Variants in LLGL1 observed in about 807,000 individuals in gnomAD.
LLGL1 encodes the protein LLGL scribble cell polarity complex component 1.
LLGL1 carries 58 observed loss-of-function variants against 110.6 expected under a neutral mutation model. That is an observed-to-expected ratio of 0.52 (90% confidence interval 0.42 to 0.65). The LOEUF is 0.65. Ranked by LOEUF, LLGL1 falls within the 30% of genes least tolerant of loss-of-function variation. The probability of loss-of-function intolerance (pLI) is 0.00; values close to 1 mark genes in which losing one functional copy is unlikely to be tolerated. For missense variants in LLGL1, 1,229 were observed against 1,462.1 expected, an observed-to-expected ratio of 0.84 and a Z score of 2.60; for synonymous variants, 674 against 607.2, an observed-to-expected ratio of 1.11 and a Z score of -1.62.
chr17:18,238,013 G>C (rs1186792438), intron 14 of LLGL1, 54 bp from the exon 15 acceptor site: 9 of 1,593,806 alleles, frequency 5.6e-6, no homozygotes, highest in Middle Eastern at 1.7e-4. Flanking sequence ...CAGGAGTGTG[G>C]TGGCTGCCCC....
Position 18,238,115 on chromosome 17 carries a change from C to T in LLGL1, c.1953C>T (p.Ser651=). ...NDSLAMEGPL[S]RVKSLKKSLR... is the part of the protein sequence containing the mutation. ...CCCTGGCCATGGAGGGTCCGCTCTCCCGGGTGAAGTCTCTCAAGAAGTCAC... is the reference window on the plus strand; with the variant it reads ...CCCTGGCCATGGAGGGTCCGCTCTCTCGGGTGAAGTCTCTCAAGAAGTCAC... The change falls in exon 15 of 23, where the codon TCC becomes TCT. Residue 651 remains serine (S), a synonymous_variant. Coordinates refer to ENST00000316843, the MANE Select transcript of LLGL1 (RefSeq NM_004140.4). 2 of 1,613,876 alleles carry T rather than the reference C, an allele frequency of 1.2e-6. No individual in the cohort carries two copies. The highest frequency in any genetic ancestry group is 1.7e-5 in the Admixed American group (1 of 60,018).
At chr17:18,231,933 C>T (rs1422152129) in intron 2 of LLGL1, among the ~76,000 whole-genome samples, 1 of 152,164 alleles carries the variant, frequency 6.6e-6, no homozygotes, top group Admixed American at 6.5e-5. Context: ...GCTGGGATTA[C>T]AGGAGCGAGC....
rs188574443 is a variant in LLGL1 at position 18,233,162 on chromosome 17, A to G, written c.392+360A>G. Among the ~76,000 whole-genome samples the G allele has an allele frequency of 7.4e-4, 113 of 152,314 alleles. 2 individuals are homozygous for G. Among genetic ancestry groups the G allele is most frequent in the Non-Finnish European group, 8.1e-4 (55 of 68,020 alleles). Reference sequence around the variant, plus strand: ...GGCAGGGCCTAAGCCAGTTAGTAACAGGAAGGGTCCCCTGGCCTCTTCAGT... The same window carrying G: ...GGCAGGGCCTAAGCCAGTTAGTAACGGGAAGGGTCCCCTGGCCTCTTCAGT... On this transcript the variant is annotated intron_variant, in intron 4 of 22. Coordinates refer to ENST00000316843, the MANE Select transcript of LLGL1 (RefSeq NM_004140.4).
intron 1 of LLGL1, among the ~76,000 whole-genome samples, chr17:18,229,220 G>A (rs962423549): frequency 2.6e-5 from 4 of 152,060 alleles, no homozygotes; most frequent in African/African-American, 2.4e-5. Context: ...AGGGGCAGGG[G>A]AGCGGGTGGG....
intron 1 of LLGL1, among the ~76,000 whole-genome samples, chr17:18,228,533 TC>T (rs534362348): frequency 2.3e-4 from 35 of 150,902 alleles, no homozygotes; most frequent in Middle Eastern, 7.0e-3. Context: ...GGAGGTGACT[TC>T]TGTGTGTTTT....
intron 8 of LLGL1, 55 bp from the exon 9 acceptor site, chr17:18,234,784 G>T (rs2047653244): frequency 4.3e-6 from 7 of 1,613,846 alleles, no homozygotes; most frequent in Non-Finnish European, 5.9e-6. Context: ...AGGTTGTGCA[G>T]TATGTGCTCT....
intron 1 of LLGL1, among the ~76,000 whole-genome samples, chr17:18,226,466 G>A (rs1183113260): frequency 6.6e-6 from 1 of 152,180 alleles, no homozygotes; most frequent in Non-Finnish European, 1.5e-5. Flanking sequence ...CCTTCAAGGA[G>A]CCTCTCCTTC....
At chr17:18,242,442 C>A (rs535549434) in intron 20 of LLGL1, 66 bp from the exon 21 acceptor site, 2 of 1,603,166 alleles carry the variant, frequency 1.2e-6, no homozygotes, top group East Asian at 2.2e-5. Flanking sequence ...GGGTCTGTGT[C>A]CCTAGGCCCC....
At chr17:18,241,298 T>G in intron 17 of LLGL1, 153 bp from the exon 18 acceptor site, 1 of 902,674 alleles carries the variant, frequency 1.1e-6, no homozygotes, top group Non-Finnish European at 1.6e-6. Context: ...AGTCTGGAGT[T>G]TAGTGGGGCA....
In LLGL1 at chr17:18,235,269, G is replaced by A. The variant is rs1260130755; in HGVS notation, c.1241G>A (p.Ser414Asn). ...VPAKLWARIV[S>N]AGEQQSPQPV... ...GCCAAGCTGTGGGCCCGCATTGTGA[G>A]CGCTGGCGAGCAGCAGAGCCCCCAG... Residue 414 changes from serine (S) to asparagine (N), a missense_variant, in exon 10 of 23, where the codon AGC (serine) becomes AAC (asparagine). Ser to Asn is a conservative substitution (Grantham distance 46, BLOSUM62 1). Coordinates refer to ENST00000316843, the MANE Select transcript of LLGL1 (RefSeq NM_004140.4). 6.2e-7 allele frequency: 1 copy of A among 1,610,482 alleles called. No individual in the cohort carries two copies. The highest frequency in any genetic ancestry group is 8.5e-7 in the Non-Finnish European group (1 of 1,180,012).
At position 18,240,657 on chromosome 17, in the gene LLGL1, A is replaced by G. The variant is rs1465565917; in HGVS notation, c.2286A>G (p.Ala762=). The change falls in exon 17 of 23, where the codon GCA becomes GCG. Residue 762 remains alanine, a synonymous_variant. Transcript: ENST00000316843. The surrounding 1 kb of genome is among the most constrained non-coding windows in gnomAD (Gnocchi z 5.3). ...CCTATGCACTGGAGGTGCCGGCAGC[A>G]GCAGTGGGTGGTGAGAAGCGGCCTG... ...VFAYALEVPA[A]AVGGEKRPEQ... is the part of the protein sequence containing the mutation. 2 of 1,613,074 alleles carry G rather than the reference A, an allele frequency of 1.2e-6. No individual in the cohort carries two copies. Among genetic ancestry groups the G allele is most frequent in the African/African-American group, 2.7e-5 (2 of 74,928 alleles).
At chr17:18,237,976 C>A in intron 14 of LLGL1, 91 bp from the exon 15 acceptor site, 1 of 1,483,368 alleles carries the variant, frequency 6.7e-7, no homozygotes, top group African/African-American at 1.4e-5. Context: ...GCTGTGACTC[C>A]CTGACCTGGG....
chr17:18,227,553 G>T (rs2047474413), intron 1 of LLGL1, among the ~76,000 whole-genome samples: 1 of 152,076 alleles, frequency 6.6e-6, no homozygotes, highest in African/African-American at 2.4e-5. Context: ...TGCCCGGCTA[G>T]TTTTTGTATT....
intron 1 of LLGL1, among the ~76,000 whole-genome samples, chr17:18,228,459 C>G (rs2047499266): frequency 6.6e-6 from 1 of 152,172 alleles, no homozygotes; most frequent in Admixed American, 6.5e-5. Context: ...CCTCTGGCCT[C>G]TGTGGGAACA....
At position 18,241,983 on chromosome 17, in the gene LLGL1, G is replaced by A. The variant is rs200133079; in HGVS notation, c.2866G>A (p.Asp956Asn). 1.7e-5 allele frequency: 27 copies of A among 1,613,732 alleles called. No homozygotes were observed. Among genetic ancestry groups the A allele is most frequent in the South Asian group, 3.3e-5 (3 of 91,074 alleles). ...CTCTCTGGACATTAACTGGCCCCGC[G>A]ATGCCACCCAGGCCAGGTGTGTGGA... ...LCSLDINWPRDATQASYRIRE... is the reference protein window; with the variant it reads ...LCSLDINWPRNATQASYRIRE... The change falls in exon 19 of 23, where the codon GAT (aspartate) becomes AAT (asparagine). Residue 956 changes from aspartate to asparagine, a missense_variant. Coordinates refer to ENST00000316843, the MANE Select transcript of LLGL1 (RefSeq NM_004140.4).
chr17:18,235,651 C>T (rs1336635965), intron 11 of LLGL1, 114 bp downstream of exon 11: 1 of 976,644 alleles, frequency 1.0e-6, no homozygotes, highest in African/African-American at 1.6e-5. Context: ...CCTGGTGGGA[C>T]CAGGTAGTTC....
intron 11 of LLGL1, 159 bp downstream of exon 11, chr17:18,235,696 C>T (rs960855697): frequency 5.9e-6 from 4 of 675,396 alleles, no homozygotes; most frequent in African/African-American, 3.6e-5. Context: ...TGAAACCTCC[C>T]TGGACCTTGG....
intron 1 of LLGL1, among the ~76,000 whole-genome samples, chr17:18,226,255 GTC>G (rs1270145526): frequency 5.3e-5 from 8 of 152,148 alleles, no homozygotes; most frequent in Non-Finnish European, 8.8e-5. Context: ...CTCCCTGCGT[GTC>G]TCTCTCTCTG....
intron 2 of LLGL1, 103 bp from the exon 3 acceptor site, chr17:18,232,392 C>A: frequency 9.6e-7 from 1 of 1,042,860 alleles, no homozygotes. Flanking sequence ...AGGCCCATGC[C>A]GGGGCCCACT....
Sources: gnomAD v4.1 joint callset for allele counts (sites outside exome capture counted in the v4.1 genomes callset) on GRCh38, gnomAD v4.1.1 for gene constraint, Gnocchi (gnomAD v3.1) non-coding constraint, MANE v1.5 for transcripts, NCBI Gene and HGNC (gene_info 2026-07-23, HGNC 2026-07-21) for gene names.